Variants in CDC42BPB observed in about 807,000 individuals in gnomAD.
The protein encoded by CDC42BPB is serine/threonine-protein kinase MRCK beta.
In CDC42BPB, 37 loss-of-function variants were observed where a neutral mutation model predicts 214.9. The observed-to-expected ratio is 0.17, with a 90% confidence interval of 0.13 to 0.23. The LOEUF is 0.23. Ranked by LOEUF, CDC42BPB falls within the 10% of genes least tolerant of loss-of-function variation. The pLI is 1.00. For synonymous variants in CDC42BPB, 931 were observed against 884.0 expected (o/e 1.05, Z -0.94); for missense variants, 1,694 against 2,227.0 (o/e 0.76, Z 4.82).
At chr14:102,947,662 C>T in intron 27 of CDC42BPB, 59 bp downstream of exon 27, 6 of 1,414,454 alleles carry the variant, frequency 4.2e-6, no homozygotes, top group Non-Finnish European at 5.0e-6. Flanking sequence ...CAATGACATG[C>T]CTAGAACAAT....
chr14:102,992,783 AT>A (rs1308815504), intron 5 of CDC42BPB, among the ~76,000 whole-genome samples: 2 of 147,020 alleles, frequency 1.4e-5, no homozygotes, highest in Non-Finnish European at 3.0e-5. Context: ...TATATTAAAA[AT>A]ATATATATTC....
chr14:103,037,737 T>C (rs1052750088), intron 1 of CDC42BPB, among the ~76,000 whole-genome samples: 6 of 152,176 alleles, frequency 3.9e-5, no homozygotes, highest in African/African-American at 1.4e-4. Flanking sequence ...GAGGAGTTTT[T>C]AAAGAATTTT....
Position 102,940,088 on chromosome 14 carries a change from A to G in CDC42BPB, c.4549T>C (p.Cys1517Arg), listed in dbSNP as rs1891822816. The G allele has an allele frequency of 6.2e-7, 1 of 1,613,916 alleles. No homozygotes were observed. Among genetic ancestry groups the G allele is most frequent in the African/African-American group, 1.3e-5 (1 of 75,024 alleles). The change falls in exon 32 of 37, where the codon TGC becomes CGC. Residue 1517 changes from cysteine (C) to arginine (R), a missense_variant. Physicochemically the swap from Cys to Arg is radical, Grantham distance 180. This residue lies in a region of CDC42BPB where 567 missense variants were observed against 790.3 expected (regional missense o/e 0.72). Transcript: ENST00000361246. Reference sequence around the variant, plus strand: ...AAGTAGATCAAGCGTGGAGGCTCGCAGTTGAGGAGGTTGAGGGTGCCTTCA... The same window carrying G: ...AAGTAGATCAAGCGTGGAGGCTCGCGGTTGAGGAGGTTGAGGGTGCCTTCA... ...NSEGTLNLLN[C>R]EPPRLIYFKS...
At chr14:102,990,152 G>A (rs937794232) in intron 5 of CDC42BPB, among the ~76,000 whole-genome samples, 3 of 152,100 alleles carry the variant, frequency 2.0e-5, no homozygotes, top group Admixed American at 6.5e-5. Context: ...CAACAAAGGC[G>A]GAAGGGAAGT....
rs1181128202 is a variant in CDC42BPB at position 103,043,966 on chromosome 14, G to A, written c.175+13033C>T. On this transcript the variant is annotated intron_variant, in intron 1 of 36. Coordinates refer to ENST00000361246, the MANE Select transcript of CDC42BPB (RefSeq NM_006035.4). The stretch of plus-strand genomic sequence containing the variant: ...ACCATGTCAATGTCTGATGTTTTGA[G>A]AAATATTTCTTGTTATGACACAGTA... Among the ~76,000 whole-genome samples, 4 of 152,154 alleles carry A rather than the reference G, an allele frequency of 2.6e-5. No homozygotes were observed. The East Asian group carries it at 7.7e-4, about 29-fold the overall frequency.
In CDC42BPB at chr14:102,944,129, G is replaced by A. The variant is rs138893409; in HGVS notation, c.4170C>T (p.Tyr1390=). The change falls in exon 30 of 37, where the codon TAC becomes TAT. Residue 1390 remains tyrosine (Y), a synonymous_variant. Coordinates refer to ENST00000361246, the MANE Select transcript of CDC42BPB (RefSeq NM_006035.4). The surrounding 1 kb of genome is among the most constrained non-coding windows in gnomAD (Gnocchi z 6.6). ...TGCTCAGCAGGCAGAACCCAGAAGG[G>A]TAGCCCACACAGAGCCTGTCCCTGA... ...AVLRDRLCVG[Y]PSGFCLLSIQ... is the part of the protein sequence containing the mutation. 6.2e-7 allele frequency: 1 copy of A among 1,613,154 alleles called. No individual in the cohort carries two copies. Among genetic ancestry groups the A allele is most frequent in the African/African-American group, 1.3e-5 (1 of 74,936 alleles).
chr14:103,007,389 C>T (rs1009646854), intron 3 of CDC42BPB, among the ~76,000 whole-genome samples: 2 of 152,100 alleles, frequency 1.3e-5, no homozygotes, highest in African/African-American at 2.4e-5. Context: ...AGATCTGGCC[C>T]GAATCGATGG....
chr14:103,013,633 G>A (rs1385225248), intron 1 of CDC42BPB, among the ~76,000 whole-genome samples: 8 of 152,248 alleles, frequency 5.3e-5, no homozygotes, highest in Non-Finnish European at 1.2e-4. Flanking sequence ...AGAGAAGTCA[G>A]ACTCAGACAG....
intron 23 of CDC42BPB, 118 bp from the exon 24 acceptor site, chr14:102,952,721 G>C (rs866517050): frequency 7.2e-5 from 107 of 1,479,004 alleles, no homozygotes; most frequent in Non-Finnish European, 9.7e-5. Flanking sequence ...GTGGAAATGT[G>C]CAAGTTCTGG....
chr14:103,026,428 T>C (rs1312506954), intron 1 of CDC42BPB, among the ~76,000 whole-genome samples: 1 of 151,972 alleles, frequency 6.6e-6, no homozygotes, highest in African/African-American at 2.4e-5. Context: ...CACATGTAAA[T>C]CTTTGTGGCC....
At chr14:103,026,736 C>CG (rs1364958752) in intron 1 of CDC42BPB, among the ~76,000 whole-genome samples, 1 of 151,760 alleles carries the variant, frequency 6.6e-6, no homozygotes, top group Middle Eastern at 3.2e-3. Flanking sequence ...GGCATGGTGG[C>CG]GGGTGCCTGT....
chr14:102,977,592 C>A (rs1893812093), intron 9 of CDC42BPB, among the ~76,000 whole-genome samples: 1 of 152,204 alleles, frequency 6.6e-6, no homozygotes, highest in Admixed American at 6.5e-5. Context: ...GCCCACAACA[C>A]ACAATCCTTA....
At chr14:102,989,702 T>C (rs143685745) in intron 5 of CDC42BPB, among the ~76,000 whole-genome samples, 2 of 152,046 alleles carry the variant, frequency 1.3e-5, no homozygotes, top group African/African-American at 2.4e-5. Context: ...GAGTACCCTG[T>C]CTTTATTAAA....
intron 1 of CDC42BPB, among the ~76,000 whole-genome samples, chr14:103,024,289 C>T (rs760470216): frequency 6.6e-6 from 1 of 152,154 alleles, no homozygotes; most frequent in East Asian, 1.9e-4. Flanking sequence ...TAACAGAGTC[C>T]GTCCTAACTT....
rs556543623 is a variant in CDC42BPB at position 102,939,350 on chromosome 14, G to A, written c.4827+260C>T. Among the ~76,000 whole-genome samples, 25 of 152,372 alleles carry A rather than the reference G, an allele frequency of 1.6e-4. No homozygotes were observed. In the East Asian group the frequency reaches 3.9e-3, roughly 24 times the overall value. The stretch of plus-strand genomic sequence containing the variant: ...CGTCCTTAGGAAGCCCTCACAGGCC[G>A]AAACGTGGTGGACTCTCACAAGTAC... On this transcript the variant is annotated intron_variant, in intron 34 of 36. Transcript: ENST00000361246.
intron 1 of CDC42BPB, 143 bp downstream of exon 1, chr14:103,056,856 G>T (rs1037655896): frequency 3.8e-6 from 2 of 521,474 alleles, no homozygotes; most frequent in African/African-American, 4.1e-5. Context: ...CGCTGCCAGA[G>T]CGAGAGGAGG....
At chr14:102,964,945 G>C in intron 18 of CDC42BPB, 1 of 298,054 alleles carries the variant, frequency 3.4e-6, no homozygotes, top group Non-Finnish European at 4.9e-6. Context: ...TTTTGTTTGA[G>C]ATGTAGTTTC....
chr14:103,053,469 T>A (rs1352267757), intron 1 of CDC42BPB, among the ~76,000 whole-genome samples: 1 of 151,900 alleles, frequency 6.6e-6, no homozygotes, highest in Non-Finnish European at 1.5e-5. Context: ...CAATGAAAGT[T>A]GAAATGACTC....
chr14:102,972,224 T>A lies in CDC42BPB; in HGVS notation c.1642-63A>T, dbSNP rs1309806804. 2.5e-6 allele frequency: 4 copies of A among 1,587,448 alleles called. No homozygotes were observed. The African/African-American group carries it at 5.4e-5, about 21-fold the overall frequency. ...AACAAAGGCTTGGAAGGCTGGAGGT[T>A]CGGTCTTCCATGATATTGAGGAGTT... On this transcript the variant is annotated intron_variant, in intron 12 of 36. Transcript: ENST00000361246.
Sources: gnomAD v4.1 joint callset for allele counts (sites outside exome capture counted in the v4.1 genomes callset) on GRCh38, gnomAD v4.1.1 for gene constraint, gnomAD v4.1.1 regional missense constraint, Gnocchi (gnomAD v3.1) non-coding constraint, MANE v1.5 for transcripts, NCBI Gene and HGNC (gene_info 2026-07-23, HGNC 2026-07-21) for gene names.